GFI1B: variants seen among roughly 807,000 people sequenced by gnomAD.
GFI1B encodes the protein zinc finger protein Gfi-1b.
In GFI1B, 20 loss-of-function variants were observed where a neutral mutation model predicts 35.3. The observed-to-expected ratio is 0.57, with a 90% CI of 0.40 to 0.82. The LOEUF is 0.82. Among genes scored for constraint, GFI1B ranks in the 40% least tolerant of loss-of-function variants. The probability of loss-of-function intolerance (pLI) is 0.00; values close to 1 mark genes in which losing one functional copy is unlikely to be tolerated. For synonymous variants in GFI1B, 178 were observed against 177.6 expected (o/e 1.00, Z -0.02); for missense variants, 430 against 446.3 (o/e 0.96, Z 0.33).
intron 1 of GFI1B, chr9:132,947,194 A>T (rs1848125510): frequency 6.6e-6 from 1 of 152,254 alleles, no homozygotes; most frequent in South Asian, 2.1e-4. Flanking sequence ...CACGTGGTGG[A>T]GGACATCTGC....
intron 1 of GFI1B, among the ~76,000 whole-genome samples, chr9:132,961,712 C>A (rs764266625): frequency 2.0e-5 from 3 of 152,162 alleles, no homozygotes; most frequent in African/African-American, 7.2e-5. Flanking sequence ...CTGCCTCAGC[C>A]TCCCCAGTAG....
Position 132,986,652 on chromosome 9 carries a change from C to A in GFI1B, c.-20-7C>A. On this transcript the variant is annotated splice_region_variant and splice_polypyrimidine_tract_variant and intron_variant, in intron 1 of 6. Transcript: ENST00000372122. Reference sequence around the variant, plus strand: ...TTCCTAACCGCTCCCATCCCTCCCCCTTGCAGGTGTGGGGTGCACACTGAA... The same window carrying A: ...TTCCTAACCGCTCCCATCCCTCCCCATTGCAGGTGTGGGGTGCACACTGAA... 6.9e-7 allele frequency: 1 copy of A among 1,439,844 alleles called. No individual in the cohort carries two copies. The highest frequency in any genetic ancestry group is 9.7e-7 in the Non-Finnish European group (1 of 1,028,182). The allele number at this position is 1,439,844 out of a possible 1,614,324, so 89.2% of individuals were successfully genotyped here. A position where few individuals can be genotyped will look rare whatever the true frequency, so the allele number is the denominator to read the frequency against.
chr9:132,987,807 G>T (rs1455300290), intron 3 of GFI1B, among the ~76,000 whole-genome samples: 1 of 152,104 alleles, frequency 6.6e-6, no homozygotes, highest in East Asian at 1.9e-4. Flanking sequence ...GTGGTGTGTG[G>T]TAGAGGGTGG....
At chr9:132,965,811 G>T (rs1848443265) in intron 1 of GFI1B, among the ~76,000 whole-genome samples, 1 of 152,184 alleles carries the variant, frequency 6.6e-6, no homozygotes, top group African/African-American at 2.4e-5. Context: ...AGAATTGACA[G>T]GCAAGAAATT....
chr9:132,988,617 T>C (rs921765015), intron 4 of GFI1B, 149 bp downstream of exon 4: 2 of 763,692 alleles, frequency 2.6e-6, no homozygotes, highest in African/African-American at 1.7e-5. Context: ...TCACCATTCA[T>C]TGAGCTCTGA....
At chr9:132,987,163 C>G (rs1849098788) in intron 2 of GFI1B, 119 bp from the exon 3 acceptor site, 1 of 1,118,512 alleles carries the variant, frequency 8.9e-7, no homozygotes, top group African/African-American at 1.5e-5. Context: ...CCGCCAGAAG[C>G]AGCGGCACGT....
Position 132,989,120 on chromosome 9 carries a change from G to A in GFI1B, c.570G>A (p.Arg190=), listed in dbSNP as rs1849191546. ...VHVRRSHSGT[R]PFACDICGKT... ...TGCGACGCTCCCATAGTGGGACCCG[G>A]CCCTTCGCCTGTGACATCTGCGGCA... is the stretch of plus-strand genomic sequence containing the variant. Residue 190 remains arginine (R), a synonymous_variant, in exon 5 of 7, where the codon CGG becomes CGA. Coordinates refer to ENST00000372122, the MANE Select transcript of GFI1B (RefSeq NM_001377304.1). The surrounding 1 kb of genome is among the most constrained non-coding windows in gnomAD (Gnocchi z 6.2). 6.2e-7 allele frequency: 1 copy of A among 1,613,844 alleles called. No individual in the cohort carries two copies. Among genetic ancestry groups the A allele is most frequent in the Admixed American group, 1.7e-5 (1 of 60,012 alleles).
At chr9:132,983,274 G>A (rs1848899299) in intron 1 of GFI1B, among the ~76,000 whole-genome samples, 2 of 140,416 alleles carry the variant, frequency 1.4e-5, no homozygotes, top group African/African-American at 5.4e-5. Flanking sequence ...TCGGCTCACT[G>A]CAACCTCCGC....
upstream of GFI1B, among the ~76,000 whole-genome samples, chr9:132,977,045 C>T (rs1291304890): frequency 6.6e-6 from 1 of 152,190 alleles, no homozygotes; most frequent in East Asian, 1.9e-4. Context: ...GCAACCTCTG[C>T]CTTCTGGGTT....
intron 1 of GFI1B, chr9:132,962,536 TTAAG>T (rs1319065481): frequency 1.9e-6 from 1 of 514,958 alleles, no homozygotes; most frequent in African/African-American, 2.1e-5. Context: ...ACTTTGAGGA[TTAAG>T]TGATTCCTGG....
intron 3 of GFI1B, among the ~76,000 whole-genome samples, chr9:132,987,885 C>A (rs965381841): frequency 2.0e-5 from 3 of 152,154 alleles, no homozygotes; most frequent in African/African-American, 4.8e-5. Flanking sequence ...CACTCTGTTG[C>A]CCAGGCTGGA....
At chr9:132,984,364 C>T (rs935169721) in intron 1 of GFI1B, among the ~76,000 whole-genome samples, 4 of 152,218 alleles carry the variant, frequency 2.6e-5, no homozygotes, top group South Asian at 2.1e-4. Flanking sequence ...AGGAGGAAGA[C>T]GTGTCCCTGG....
chr9:132,989,761 G>T lies in GFI1B; in HGVS notation c.668G>T (p.Arg223Leu), dbSNP rs367947845. Residue 223 changes from arginine to leucine, a missense_variant, in exon 6 of 7, where the codon CGC becomes CTC. Transcript: ENST00000372122. This position sits in a 1 kb window ranked among gnomAD's most constrained non-coding sequence, Gnocchi z 6.2. ...CGGCAGGAGCGCAGCTTCGAGTGCC[G>T]CATGTGCGGCAAGGCCTTCAAGCGC... ...VHSQERSFEC[R>L]MCGKAFKRSS... is the part of the protein sequence containing the mutation. 6.2e-7 allele frequency: 1 copy of T among 1,614,006 alleles called. No homozygotes were observed. The highest frequency in any genetic ancestry group is 8.5e-7 in the Non-Finnish European group (1 of 1,179,864).
chr9:132,986,801 G>A (rs1471336590), intron 2 of GFI1B, 23 bp downstream of exon 2: 13 of 1,488,594 alleles, frequency 8.7e-6, no homozygotes, highest in South Asian at 2.3e-5. Flanking sequence ...CCGGGCTGGC[G>A]CCTGCTGCAC....
intron 1 of GFI1B, among the ~76,000 whole-genome samples, chr9:132,960,401 A>G (rs1848344823): frequency 6.6e-6 from 1 of 152,230 alleles, no homozygotes; most frequent in Non-Finnish European, 1.5e-5. Context: ...TAGGCAACGC[A>G]GAACCCCTGG....
At chr9:132,962,138 T>C (rs1271142029) in intron 1 of GFI1B, among the ~76,000 whole-genome samples, 1 of 40,114 alleles carries the variant, frequency 2.5e-5, no homozygotes, top group African/African-American at 1.5e-4. Flanking sequence ...TTTTTTTTTC[T>C]TTTTTTTTTT....
At chr9:132,947,412 C>CAA (rs35035214) in intron 1 of GFI1B, among the ~76,000 whole-genome samples, 2,506 of 95,806 alleles carry the variant, frequency 0.026, 86 homozygotes, top group African/African-American at 0.12. Context: ...TTTAATCGAG[C>CAA]AAAAAAAAAA....
intron 1 of GFI1B, among the ~76,000 whole-genome samples, chr9:132,964,531 G>A (rs375624907): frequency 6.3e-4 from 96 of 152,180 alleles, no homozygotes; most frequent in African/African-American, 1.4e-3. Flanking sequence ...CATGACGGGC[G>A]GGTTCTCATG....
At position 132,989,052 on chromosome 9, in the gene GFI1B, T is replaced by A. The variant is rs751385511; in HGVS notation, c.511-9T>A. 6.2e-7 allele frequency: 1 copy of A among 1,613,886 alleles called. No homozygotes were observed. Among genetic ancestry groups the A allele is most frequent in the Admixed American group, 1.7e-5 (1 of 60,026 alleles). On this transcript the variant is annotated splice_polypyrimidine_tract_variant and intron_variant, in intron 4 of 6. Transcript: ENST00000372122. This position sits in a 1 kb window ranked among gnomAD's most constrained non-coding sequence, Gnocchi z 6.2. ...CCCCAGTGGCCTCACATGCTGCCCC[T>A]GCTCCCAGGTCTTCTCCACCCCTCA...
Sources: allele counts gnomAD v4.1 joint callset (sites outside exome capture counted in the v4.1 genomes callset), GRCh38; gene constraint gnomAD v4.1.1; non-coding constraint Gnocchi (gnomAD v3.1); transcripts MANE v1.5; gene names NCBI Gene and HGNC (gene_info 2026-07-23, HGNC 2026-07-21).